ARFGEF1: variants seen among roughly 807,000 people sequenced by gnomAD.
The protein encoded by ARFGEF1 is ARF guanine nucleotide exchange factor 1, also known as brefeldin A-inhibited guanine nucleotide-exchange protein 1.
A neutral mutation model predicts 231.0 loss-of-function variants in ARFGEF1; 42 were observed. The observed-to-expected ratio is 0.18, with a 90% CI of 0.14 to 0.24. The LOEUF (loss-of-function observed/expected upper bound fraction) is 0.24, where lower values mean the gene tolerates loss of function less well. ARFGEF1 is among the 10% of genes least tolerant of loss of function. The probability of loss-of-function intolerance (pLI) is 1.00; values close to 1 mark genes in which losing one functional copy is unlikely to be tolerated. For synonymous variants in ARFGEF1, 710 were observed against 732.3 expected, an observed-to-expected ratio of 0.97 and a Z score of 0.49; for missense variants, 1,345 against 2,192.0, an observed-to-expected ratio of 0.61 and a Z score of 7.72.
chr8:67,276,938 A>T (rs1251949274), intron 8 of ARFGEF1, among the ~76,000 whole-genome samples: 4 of 152,154 alleles, frequency 2.6e-5, no homozygotes, highest in Non-Finnish European at 5.9e-5. Context: ...AGCATTTTGA[A>T]TTTCAGATTA....
chr8:67,308,074 C>G (rs1182635715), intron 1 of ARFGEF1, among the ~76,000 whole-genome samples: 2 of 152,186 alleles, frequency 1.3e-5, no homozygotes, highest in Non-Finnish European at 2.9e-5. Context: ...CTTTCAAAGT[C>G]ATCACCATCC....
At chr8:67,270,212 G>T (rs1035912191) in intron 10 of ARFGEF1, among the ~76,000 whole-genome samples, 1 of 152,056 alleles carries the variant, frequency 6.6e-6, no homozygotes, top group South Asian at 2.1e-4. Context: ...ACAGACATAT[G>T]GCAAACTCTT....
chr8:67,184,744 T>TAATAATAATAATAATA (rs1554621539), intron 5 of ARFGEF1, among the ~76,000 whole-genome samples: 2 of 142,498 alleles, frequency 1.4e-5, no homozygotes, highest in African/African-American at 5.3e-5. Flanking sequence ...AATAAAAAAA[T>TAATAATAATAATAATA]ATAATAATAA....
chr8:67,315,198 A>C (rs1200126321), intron 1 of ARFGEF1, among the ~76,000 whole-genome samples: 1 of 152,238 alleles, frequency 6.6e-6, no homozygotes, highest in Non-Finnish European at 1.5e-5. Flanking sequence ...AGGGTCAAAT[A>C]CATCAAGAAT....
At chr8:67,337,274 T>C (rs1183764415) in intron 1 of ARFGEF1, among the ~76,000 whole-genome samples, 1 of 152,170 alleles carries the variant, frequency 6.6e-6, no homozygotes, top group African/African-American at 2.4e-5. Context: ...GAAAATGTTT[T>C]ACTGTCTAAA....
chr8:67,213,893 C>A (rs894512714), intron 33 of ARFGEF1, among the ~76,000 whole-genome samples: 6 of 152,220 alleles, frequency 3.9e-5, no homozygotes, highest in African/African-American at 1.2e-4. Flanking sequence ...TTCCTTAAAT[C>A]TATCTATACA....
intron 29 of ARFGEF1, among the ~76,000 whole-genome samples, chr8:67,224,247 G>A (rs1022898312): frequency 6.6e-6 from 1 of 152,094 alleles, no homozygotes; most frequent in African/African-American, 2.4e-5. Context: ...GAGGTTGACA[G>A]ATATTAGGAC....
At chr8:67,286,694 A>G (rs928497551) in intron 7 of ARFGEF1, among the ~76,000 whole-genome samples, 1 of 151,984 alleles carries the variant, frequency 6.6e-6, no homozygotes, top group South Asian at 2.1e-4. Context: ...TCTATTTTTT[A>G]TTTTTTTAAT....
At chr8:67,315,322 A>G (rs899134794) in intron 1 of ARFGEF1, among the ~76,000 whole-genome samples, 2 of 152,188 alleles carry the variant, frequency 1.3e-5, no homozygotes, top group African/African-American at 4.8e-5. Flanking sequence ...GAAGAAGTAA[A>G]CATCCCTCTT....
In ARFGEF1 at chr8:67,238,904, G is replaced by A. The variant is rs753708708; in HGVS notation, c.2980-11C>T. 20 of 1,610,260 alleles carry A rather than the reference G, an allele frequency of 1.2e-5. No homozygotes were observed. Among genetic ancestry groups the A allele is most frequent in the Admixed American group, 3.3e-5 (2 of 59,836 alleles). On this transcript the variant is annotated splice_polypyrimidine_tract_variant and intron_variant, in intron 20 of 38. Transcript: ENST00000262215. Reference sequence around the variant, plus strand: ...TGCATCTCTCTCCAGCTATAAAAAAGAGAAAAGTATGTTTACACAGTTCTA... The same window carrying A: ...TGCATCTCTCTCCAGCTATAAAAAAAAGAAAAGTATGTTTACACAGTTCTA...
chr8:67,193,360 G>C (rs545107674), downstream of ARFGEF1: 41 of 996,514 alleles, frequency 4.1e-5, no homozygotes, highest in Non-Finnish European at 5.8e-5. Context: ...GCTTCCCAAA[G>C]TGCTGGGATC....
In ARFGEF1 at chr8:67,230,772, T is replaced by A. The variant is rs567912838; in HGVS notation, c.3380+2083A>T. Among the ~76,000 whole-genome samples, 3 of 152,214 alleles carry A rather than the reference T, an allele frequency of 2.0e-5. No individual in the cohort carries two copies. The South Asian group carries it at 6.2e-4, about 32-fold the overall frequency. The stretch of plus-strand genomic sequence containing the variant: ...AGTTTAGTAATATTCATTATGAAAT[T>A]GGTCTAATTTAACAACACATAAAAA... On this transcript the variant is annotated intron_variant, in intron 23 of 38. Transcript: ENST00000262215.
At position 67,238,496 on chromosome 8, in the gene ARFGEF1, T is replaced by A. The variant is rs762331850; in HGVS notation, c.3139-3A>T. On this transcript the variant is annotated splice_polypyrimidine_tract_variant and splice_region_variant and intron_variant, in intron 21 of 38. Coordinates refer to ENST00000262215, the MANE Select transcript of ARFGEF1 (RefSeq NM_006421.5). Reference sequence around the variant, plus strand: ...AACTGACTGATGCACTTCAGAATCTTAATTACAAAAAGGAAAAAAATGTTA... The same window carrying A: ...AACTGACTGATGCACTTCAGAATCTAAATTACAAAAAGGAAAAAAATGTTA... 6.3e-7 allele frequency: 1 copy of A among 1,582,858 alleles called. No individual in the cohort carries two copies. Among genetic ancestry groups the A allele is most frequent in the Non-Finnish European group, 8.5e-7 (1 of 1,172,208 alleles).
chr8:67,314,016 G>A (rs750231674), intron 1 of ARFGEF1, among the ~76,000 whole-genome samples: 7 of 152,064 alleles, frequency 4.6e-5, no homozygotes, highest in Non-Finnish European at 7.4e-5. Context: ...GGCTGCCTCT[G>A]CTGAGTCATC....
At chr8:67,308,893 ACT>A (rs1389963953) in intron 1 of ARFGEF1, among the ~76,000 whole-genome samples, 1 of 152,206 alleles carries the variant, frequency 6.6e-6, no homozygotes, top group East Asian at 1.9e-4. Flanking sequence ...CAACTCACAT[ACT>A]TTTTTAATTG....
At chr8:67,314,315 A>C (rs1807207472) in intron 1 of ARFGEF1, among the ~76,000 whole-genome samples, 2 of 152,272 alleles carry the variant, frequency 1.3e-5, no homozygotes, top group East Asian at 3.9e-4. Context: ...TTGCTACAAA[A>C]TTCAGCTAGA....
intron 5 of ARFGEF1, among the ~76,000 whole-genome samples, chr8:67,191,339 A>T (rs998631932): frequency 6.6e-6 from 1 of 152,220 alleles, no homozygotes; most frequent in Non-Finnish European, 1.5e-5. Flanking sequence ...AGATGCAGTT[A>T]TATGTGAAGC....
chr8:67,211,490 A>G lies in ARFGEF1; in HGVS notation c.4812T>C (p.Ser1604=). The change falls in exon 34 of 39, where the codon TCT becomes TCC. Residue 1604 remains serine (S), a synonymous_variant. Transcript: ENST00000262215. ...AVNEEVSKIK[S]TAKFPEQKLF... ...TTTAGAGAAATAACTCACTTGCTGT[A>G]GATTTAATTTTGCTGACTTCTTCAT... 6.4e-7 allele frequency: 1 copy of G among 1,573,178 alleles called. No homozygotes were observed. The highest frequency in any genetic ancestry group is 1.4e-5 in the African/African-American group (1 of 72,860).
chr8:67,238,858 T>C lies in ARFGEF1; in HGVS notation c.3015A>G (p.Arg1005=), dbSNP rs755316979. The C allele has an allele frequency of 6.7e-5, 108 of 1,613,848 alleles. 2 individuals are homozygous for C. The South Asian group carries it at 1.1e-3, about 16-fold the overall frequency. Residue 1005 remains arginine, a synonymous_variant, in exon 21 of 39, where the codon AGA becomes AGG. Coordinates refer to ENST00000262215, the MANE Select transcript of ARFGEF1 (RefSeq NM_006421.5). ...ERDAYVQALA[R]FTLLTVSSGI... ...CGGAACTCACTGTGAGTAAGGTAAA[T>C]CTTGCTAGTGCCTGGACATATGCAT...
Sources: gnomAD v4.1 joint callset for allele counts (sites outside exome capture counted in the v4.1 genomes callset) on GRCh38, gnomAD v4.1.1 for gene constraint, MANE v1.5 for transcripts, NCBI Gene and HGNC (gene_info 2026-07-23, HGNC 2026-07-21) for gene names.